The following THBS1 variants were observed in gnomAD, a reference collection of about 807,000 sequenced individuals.
THBS1 encodes the protein thrombospondin-1.
In THBS1, 29 loss-of-function variants were observed where a neutral mutation model predicts 126.1. That is an observed-to-expected ratio of 0.23 (90% CI 0.17 to 0.31). THBS1 has a LOEUF of 0.31. Ranked by LOEUF, THBS1 falls within the 10% of genes least tolerant of loss-of-function variation. The pLI is 1.00. For synonymous variants in THBS1, 496 were observed against 577.8 expected, an observed-to-expected ratio of 0.86 and a Z score of 2.03; for missense variants, 1,198 against 1,545.2, an observed-to-expected ratio of 0.78 and a Z score of 3.77.
At chr15:39,587,945 C>T in intron 8 of THBS1, 97 bp from the exon 9 acceptor site, 1 of 1,258,724 alleles carries the variant, frequency 7.9e-7, no homozygotes, top group African/African-American at 1.5e-5. Context: ...TTGCCATTGA[C>T]CATTTCCTGG....
At position 39,591,623 on chromosome 15, in the gene THBS1, G is replaced by C. The variant is rs1890330036; in HGVS notation, c.2532G>C (p.Gln844His). ...DNCPLEHNPD[Q>H]LDSDSDRIGD... ...GCCCCTTGGAACACAATCCGGATCAGGTAGGTGGATGGACTCCTTTCAGAG... is the reference window on the plus strand; with the variant it reads ...GCCCCTTGGAACACAATCCGGATCACGTAGGTGGATGGACTCCTTTCAGAG... Residue 844 changes from glutamine (Q) to histidine (H), a missense_variant and splice_region_variant, in exon 16 of 22, where the codon CAG (glutamine) becomes CAC (histidine). Physicochemically the swap from Gln to His is conservative, Grantham distance 24 (BLOSUM62 0). Coordinates refer to ENST00000260356, the MANE Select transcript of THBS1 (RefSeq NM_003246.4). 6.2e-7 allele frequency: 1 copy of C among 1,613,404 alleles called. No homozygotes were observed. The highest frequency in any genetic ancestry group is 1.3e-5 in the African/African-American group (1 of 74,924).
At position 39,588,210 on chromosome 15, in the gene THBS1, C is replaced by A; in HGVS notation, c.1463C>A (p.Ala488Asp). Reference protein sequence around the residue: ...ARETKACKKDACPINGGWGPW... With the variant: ...ARETKACKKDDCPINGGWGPW... The stretch of plus-strand genomic sequence containing the variant: ...GAGACCAAAGCCTGCAAGAAAGACG[C>A]CTGCCCCAGTAAGTGTGAGGTCCGC... Residue 488 changes from alanine to aspartate, a missense_variant, in exon 9 of 22, where the codon GCC (alanine) becomes GAC (aspartate). Ala to Asp is a moderately radical substitution (Grantham distance 126). Around this residue, in one of 4 missense-constraint regions of THBS1, gnomAD observed 663 missense variants for 860.1 expected, o/e 0.77. Transcript: ENST00000260356. 6.2e-7 allele frequency: 1 copy of A among 1,613,422 alleles called. No individual in the cohort carries two copies. The highest frequency in any genetic ancestry group is 8.5e-7 in the Non-Finnish European group (1 of 1,179,896).
chr15:39,589,221 C>T lies in THBS1; in HGVS notation c.1793C>T (p.Ala598Val). 3.1e-6 allele frequency: 5 copies of T among 1,614,156 alleles called. No individual in the cohort carries two copies. Among genetic ancestry groups the T allele is most frequent in the Non-Finnish European group, 2.5e-6 (3 of 1,180,030 alleles). Residue 598 changes from alanine to valine, a missense_variant, in exon 12 of 22, where the codon GCC becomes GTC. Physicochemically the swap from Ala to Val is moderately conservative, Grantham distance 64. Around this residue, in one of 4 missense-constraint regions of THBS1, gnomAD observed 663 missense variants for 860.1 expected, o/e 0.77. Transcript: ENST00000260356. The surrounding 1 kb of genome is among the most constrained non-coding windows in gnomAD (Gnocchi z 4.7). ...DVDECKEVPD[A>V]CFNHNGEHRC... The stretch of plus-strand genomic sequence containing the variant: ...CCATAGTGCAAAGAAGTGCCTGATG[C>T]CTGCTTCAACCACAATGGAGAGCAC...
In THBS1 at chr15:39,593,411, A is replaced by C; in HGVS notation, c.3010A>C (p.Asn1004His). ...TCTTCTTCCAGGTTATGATGAGTTT[A>C]ATGCTGTGGACTTCAGTGGCACCTT... is the stretch of plus-strand genomic sequence containing the variant. ...PGLAVGYDEF[N>H]AVDFSGTFFI... The change falls in exon 19 of 22, where the codon AAT (asparagine) becomes CAT (histidine). Residue 1004 changes from asparagine to histidine, a missense_variant. By Grantham distance (68) the Asn-to-His change is moderately conservative. Coordinates refer to ENST00000260356, the MANE Select transcript of THBS1 (RefSeq NM_003246.4). The surrounding 1 kb of genome is among the most constrained non-coding windows in gnomAD (Gnocchi z 5.9). 5 of 1,614,168 alleles carry C rather than the reference A, an allele frequency of 3.1e-6. No homozygotes were observed. Among genetic ancestry groups the C allele is most frequent in the Non-Finnish European group, 4.2e-6 (5 of 1,180,032 alleles).
rs778265940 is a variant in THBS1, at chr15:39,592,558, T to C, written c.2533-10T>C. On this transcript the variant is annotated splice_polypyrimidine_tract_variant and intron_variant, in intron 16 of 21. Transcript: ENST00000260356. This position sits in a 1 kb window ranked among gnomAD's most constrained non-coding sequence, Gnocchi z 4.3. The stretch of plus-strand genomic sequence containing the variant: ...CTGCAATTTACCCTCCATTTACATC[T>C]CTCTTTCAGCTGGACTCTGACTCAG... 1 of 1,605,480 alleles carries C rather than the reference T, an allele frequency of 6.2e-7. No individual in the cohort carries two copies. Among genetic ancestry groups the C allele is most frequent in the Non-Finnish European group, 8.5e-7 (1 of 1,174,890 alleles).
At position 39,593,797 on chromosome 15, in the gene THBS1, T is replaced by A. The variant is rs1648199116; in HGVS notation, c.3267+129T>A. ...TTCCCAGCATCACCAGCTGCAGCAT[T>A]GAACTCTGCTTTGTAAAAACATAAT... On this transcript the variant is annotated intron_variant, in intron 19 of 21. Transcript: ENST00000260356. The surrounding 1 kb of genome is among the most constrained non-coding windows in gnomAD (Gnocchi z 5.9). 3.7e-6 allele frequency: 5 copies of A among 1,343,782 alleles called. No individual in the cohort carries two copies. Among genetic ancestry groups the A allele is most frequent in the Non-Finnish European group, 5.1e-6 (5 of 983,514 alleles). The allele number at this position is 1,343,782 out of a possible 1,614,324, so 83.2% of individuals were successfully genotyped here.
In THBS1 at chr15:39,595,454, G is replaced by A. The variant is rs901688642; in HGVS notation, c.*85G>A. On this transcript the variant is annotated 3_prime_UTR_variant, in exon 22 of 22. Transcript: ENST00000260356. ...AACTATGGGCTTGAGAAAACCCCCA[G>A]GATCACTTCTCCTTGGCTTCCTTCT... 15 of 1,461,610 alleles carry A rather than the reference G, an allele frequency of 1.0e-5. No individual in the cohort carries two copies. In the African/African-American group the frequency reaches 1.7e-4, roughly 17 times the overall value. 90.5% of individuals were successfully genotyped at this position (1,461,610 alleles called of 1,614,324 possible). A position where few individuals can be genotyped will look rare whatever the true frequency, so the allele number is the denominator to read the frequency against.
Position 39,582,223 on chromosome 15 carries a change from T to C in THBS1, c.98T>C (p.Ile33Thr), listed in dbSNP as rs758045399. The change falls in exon 3 of 22, where the codon ATC (isoleucine) becomes ACC (threonine). Residue 33 changes from isoleucine (I) to threonine (T), a missense_variant. Transcript: ENST00000260356. ...GGCGGAGACAACAGCGTGTTTGACA[T>C]CTTTGAACTCACCGGGGCCGCCCGC... ...ESGGDNSVFD[I>T]FELTGAARKG... The C allele has an allele frequency of 6.2e-7, 1 of 1,611,874 alleles. No homozygotes were observed. The highest frequency in any genetic ancestry group is 8.5e-7 in the Non-Finnish European group (1 of 1,179,038).
rs1890323659 is a variant in THBS1, at chr15:39,591,338, A to G, written c.2401A>G (p.Ile801Val). 6.2e-7 allele frequency: 1 copy of G among 1,613,926 alleles called. No individual in the cohort carries two copies. Among genetic ancestry groups the G allele is most frequent in the Non-Finnish European group, 8.5e-7 (1 of 1,179,886 alleles). Residue 801 changes from isoleucine (I) to valine (V), a missense_variant, in exon 15 of 22, where the codon ATT (isoleucine) becomes GTT (valine). Around this residue, in one of 4 missense-constraint regions of THBS1, gnomAD observed 663 missense variants for 860.1 expected, o/e 0.77. Transcript: ENST00000260356. ...NGEGDACAADIDGDGILNERD... is the reference protein window; with the variant it reads ...NGEGDACAADVDGDGILNERD... ...GGAAGGAGACGCCTGTGCTGCAGAC[A>G]TTGATGGAGACGGTAAGGTGCTGCC...
At position 39,593,521 on chromosome 15, in the gene THBS1, G is replaced by C. The variant is rs1890371360; in HGVS notation, c.3120G>C (p.Trp1040Cys). The change falls in exon 19 of 22, where the codon TGG becomes TGC. Residue 1040 changes from tryptophan to cysteine, a missense_variant. Around this residue, in one of 4 missense-constraint regions of THBS1, gnomAD observed 255 missense variants for 373.9 expected, o/e 0.68. Coordinates refer to ENST00000260356, the MANE Select transcript of THBS1 (RefSeq NM_003246.4). The surrounding 1 kb of genome is among the most constrained non-coding windows in gnomAD (Gnocchi z 5.9). ...QSSSRFYVVM[W>C]KQVTQSYWDT... ...GCAGCCGCTTTTATGTTGTGATGTG[G>C]AAGCAAGTCACCCAGTCCTACTGGG... is the stretch of plus-strand genomic sequence containing the variant. 1 of 1,614,206 alleles carries C rather than the reference G, an allele frequency of 6.2e-7. No individual in the cohort carries two copies. Among genetic ancestry groups the C allele is most frequent in the Admixed American group, 1.7e-5 (1 of 60,022 alleles).
chr15:39,597,947 C>G lies in THBS1; in HGVS notation c.*2578C>G, dbSNP rs1890514038. On this transcript the variant is annotated 3_prime_UTR_variant, in exon 22 of 22. Transcript: ENST00000260356. ...GTGGATGAGGGAGGAGCTGTCCTTGCAATGTTGAGCCAAGCATTACAGATA... is the reference window on the plus strand; with the variant it reads ...GTGGATGAGGGAGGAGCTGTCCTTGGAATGTTGAGCCAAGCATTACAGATA... The G allele has an allele frequency of 6.6e-6, 1 of 152,122 alleles. No homozygotes were observed. The highest frequency in any genetic ancestry group is 1.5e-5 in the Non-Finnish European group (1 of 68,030). 9.4% of individuals were successfully genotyped at this position (152,122 alleles called of 1,614,324 possible). A position where few individuals can be genotyped will look rare whatever the true frequency, so the allele number is the denominator to read the frequency against.
Position 39,592,458 on chromosome 15 carries a change from C to A in THBS1, c.2533-110C>A. 1 of 803,246 alleles carries A rather than the reference C, an allele frequency of 1.2e-6. No homozygotes were observed. The highest frequency in any genetic ancestry group is 2.0e-6 in the Non-Finnish European group (1 of 502,596). The allele number at this position is 803,246 out of a possible 1,614,324, so 49.8% of individuals were successfully genotyped here. On this transcript the variant is annotated intron_variant, in intron 16 of 21. Coordinates refer to ENST00000260356, the MANE Select transcript of THBS1 (RefSeq NM_003246.4). The surrounding 1 kb of genome is among the most constrained non-coding windows in gnomAD (Gnocchi z 4.3). ...GAGTGTGTAAATAGACATGACACCCCACTGGCTGTATCAAACAATGGAGAA... is the reference window on the plus strand; with the variant it reads ...GAGTGTGTAAATAGACATGACACCCAACTGGCTGTATCAAACAATGGAGAA...
At chr15:39,581,995 C>G (rs1296800978) in intron 2 of THBS1, 71 bp downstream of exon 2, 2 of 1,534,000 alleles carry the variant, frequency 1.3e-6, no homozygotes, top group Non-Finnish European at 1.8e-6. Flanking sequence ...GGTGTGCCCC[C>G]TCACGTGCTG....
Position 39,587,196 on chromosome 15 carries a change from T to C in THBS1, c.1121-151T>C, listed in dbSNP as rs113409548. The C allele has an allele frequency of 2.4e-3, 1,560 of 648,836 alleles. 18 individuals are homozygous for C. The African/African-American group carries it at 0.025, about 11-fold the overall frequency. The allele number at this position is 648,836 out of a possible 1,614,324, so 40.2% of individuals were successfully genotyped here. A position where few individuals can be genotyped will look rare whatever the true frequency, so the allele number is the denominator to read the frequency against. On this transcript the variant is annotated intron_variant, in intron 7 of 21. Transcript: ENST00000260356. Reference sequence around the variant, plus strand: ...TCACATTATACACCTTAAATGTATATAATATTTGTCAATTATACCTCAGTA... The same window carrying C: ...TCACATTATACACCTTAAATGTATACAATATTTGTCAATTATACCTCAGTA...
rs1231324888 is a variant in THBS1 at position 39,597,181 on chromosome 15, T to C, written c.*1812T>C. The C allele has an allele frequency of 6.6e-6, 1 of 151,800 alleles. No homozygotes were observed. The highest frequency in any genetic ancestry group is 2.4e-5 in the African/African-American group (1 of 41,286). 9.4% of individuals were successfully genotyped at this position (151,800 alleles called of 1,614,324 possible). A position where few individuals can be genotyped will look rare whatever the true frequency, so the allele number is the denominator to read the frequency against. On this transcript the variant is annotated 3_prime_UTR_variant, in exon 22 of 22. Transcript: ENST00000260356. ...TTGTGTAGATATGCTATTTAAATAATTTATCAGGAAATACTGCCTGTAGAG... is the reference window on the plus strand; with the variant it reads ...TTGTGTAGATATGCTATTTAAATAACTTATCAGGAAATACTGCCTGTAGAG...
At chr15:39,591,682 G>T in intron 16 of THBS1, 59 bp downstream of exon 16, 1 of 1,481,224 alleles carries the variant, frequency 6.8e-7, no homozygotes, top group Non-Finnish European at 9.4e-7. Flanking sequence ...TCCCTTTCAT[G>T]GCCTTTGAAA....
rs1890446231 is a variant in THBS1 at position 39,596,500 on chromosome 15, T to A, written c.*1131T>A. ...TTGAGAGTCTTCGTGACTGTAAGAT[T>A]GTAAATACAGATTATTTATTAACTC... On this transcript the variant is annotated 3_prime_UTR_variant, in exon 22 of 22. Coordinates refer to ENST00000260356, the MANE Select transcript of THBS1 (RefSeq NM_003246.4). 6.6e-6 allele frequency: 1 copy of A among 152,290 alleles called. No homozygotes were observed. Among genetic ancestry groups the A allele is most frequent in the Admixed American group, 6.5e-5 (1 of 15,286 alleles). The allele number at this position is 152,290 out of a possible 1,614,324, so 9.4% of individuals were successfully genotyped here.
In THBS1 at chr15:39,592,208, TTC is replaced by T. The variant is rs1469335727; in HGVS notation, c.2533-356_2533-355del. On this transcript the variant is annotated intron_variant, in intron 16 of 21. Coordinates refer to ENST00000260356, the MANE Select transcript of THBS1 (RefSeq NM_003246.4). This position sits in a 1 kb window ranked among gnomAD's most constrained non-coding sequence, Gnocchi z 4.3. ...TTACAACTGAAACCTTCTAAGGAAA[TTC>T]TCTGTTATAAAGTATCCAGAAAATT... Among the ~76,000 whole-genome samples, 18 of 152,348 alleles carry T rather than the reference TTC, an allele frequency of 1.2e-4. No homozygotes were observed. Among genetic ancestry groups the T allele is most frequent in the African/African-American group, 4.3e-4 (18 of 41,580 alleles).
rs536091708 is a variant in THBS1, at chr15:39,583,192, A to C, written c.628-425A>C. Among the ~76,000 whole-genome samples the C allele has an allele frequency of 1.3e-4, 20 of 152,304 alleles. No homozygotes were observed. In the South Asian group the frequency reaches 3.5e-3, roughly 27 times the overall value. ...CTTTGCTATTGGATTCCTCATGGGG[A>C]TGCAGCTGGTCTCACATAAAAGGTT... On this transcript the variant is annotated intron_variant, in intron 3 of 21. Transcript: ENST00000260356.
Sources: gnomAD v4.1 joint callset for allele counts (sites outside exome capture counted in the v4.1 genomes callset) on GRCh38, gnomAD v4.1.1 for gene constraint, gnomAD v4.1.1 regional missense constraint, Gnocchi (gnomAD v3.1) non-coding constraint, MANE v1.5 for transcripts, NCBI Gene and HGNC (gene_info 2026-07-23, HGNC 2026-07-21) for gene names.